PDE11A: variants seen among roughly 807,000 people sequenced by gnomAD.
The protein encoded by PDE11A is dual 3',5'-cyclic-AMP and -GMP phosphodiesterase 11A.
Under a neutral mutation model 100.5 loss-of-function variants are expected in PDE11A, and 100 were observed. That is an observed-to-expected ratio of 1.00 (90% CI 0.85 to 1.18). PDE11A has a LOEUF of 1.18. Among genes scored for constraint, PDE11A ranks in the 50% most tolerant of loss-of-function variants. PDE11A has a pLI of 0.00. For synonymous variants in PDE11A, 381 were observed against 420.8 expected, an observed-to-expected ratio of 0.91 and a Z score of 1.16; for missense variants, 1,141 against 1,152.6, an observed-to-expected ratio of 0.99 and a Z score of 0.15.
At chr2:177,809,593 A>G (rs199823673) in intron 9 of PDE11A, among the ~76,000 whole-genome samples, 2 of 86,722 alleles carry the variant, frequency 2.3e-5, no homozygotes, top group African/African-American at 9.5e-5. Context: ...CTTTCATCCT[A>G]CCTCCCTCTT....
At chr2:177,857,897 A>T (rs909112717) in intron 5 of PDE11A, among the ~76,000 whole-genome samples, 1 of 152,070 alleles carries the variant, frequency 6.6e-6, no homozygotes, top group Non-Finnish European at 1.5e-5. Context: ...GTAGCTATTC[A>T]TATCAGATAA....
intron 2 of PDE11A, among the ~76,000 whole-genome samples, chr2:177,931,880 A>T (rs2085210015): frequency 6.6e-6 from 1 of 151,456 alleles, no homozygotes; most frequent in African/African-American, 2.4e-5. Context: ...TGAAAGGATA[A>T]ACAAGATCAA....
intron 2 of PDE11A, among the ~76,000 whole-genome samples, chr2:177,932,291 T>C (rs1335448657): frequency 2.0e-5 from 3 of 152,142 alleles, no homozygotes; most frequent in Non-Finnish European, 4.4e-5. Flanking sequence ...GAGGGATTCT[T>C]CCCTAATTCA....
chr2:177,914,723 G>A (rs374315112), intron 2 of PDE11A, among the ~76,000 whole-genome samples: 2 of 152,086 alleles, frequency 1.3e-5, no homozygotes, highest in East Asian at 3.9e-4. Flanking sequence ...ATATCACAAT[G>A]AACATACGAA....
chr2:177,967,517 T>G (rs1254358333), intron 2 of PDE11A, among the ~76,000 whole-genome samples: 2 of 152,048 alleles, frequency 1.3e-5, no homozygotes, highest in African/African-American at 4.8e-5. Flanking sequence ...CACTTTTGAT[T>G]GTGTTTATAA....
At chr2:177,928,876 T>C (rs548253066) in intron 2 of PDE11A, among the ~76,000 whole-genome samples, 1 of 151,872 alleles carries the variant, frequency 6.6e-6, no homozygotes, top group East Asian at 1.9e-4. Flanking sequence ...AAAAAATAAA[T>C]ACATAAAAAT....
chr2:178,006,541 G>T (rs1247180288), intron 2 of PDE11A, among the ~76,000 whole-genome samples: 1 of 152,040 alleles, frequency 6.6e-6, no homozygotes, highest in Non-Finnish European at 1.5e-5. Flanking sequence ...TGGCAATATT[G>T]CTCCAATAGA....
chr2:177,884,768 G>A lies in PDE11A; in HGVS notation c.1303-8845C>T, dbSNP rs145268511. Among the ~76,000 whole-genome samples the A allele has an allele frequency of 2.0e-5, 3 of 152,306 alleles. No homozygotes were observed. In the East Asian group the frequency reaches 5.8e-4, roughly 29 times the overall value. Reference sequence around the variant, plus strand: ...TCTTTGCAAGCAAGAAATGAGTCAGGAGAAAAATGTCCTAGTGAGAGATCA... The same window carrying A: ...TCTTTGCAAGCAAGAAATGAGTCAGAAGAAAAATGTCCTAGTGAGAGATCA... On this transcript the variant is annotated intron_variant, in intron 4 of 19. Coordinates refer to ENST00000286063, the MANE Select transcript of PDE11A (RefSeq NM_016953.4).
chr2:177,959,624 G>A (rs2085607782), intron 2 of PDE11A, among the ~76,000 whole-genome samples: 1 of 152,126 alleles, frequency 6.6e-6, no homozygotes, highest in Non-Finnish European at 1.5e-5. Context: ...TTTGAGTAGT[G>A]AGAAAAAGAT....
chr2:177,934,411 A>C (rs1159194941), intron 2 of PDE11A, among the ~76,000 whole-genome samples: 2 of 152,208 alleles, frequency 1.3e-5, no homozygotes, highest in African/African-American at 4.8e-5. Flanking sequence ...TCATCAAAGA[A>C]ATGCAAATCA....
At chr2:177,660,127 C>CT (rs1446890290) in intron 19 of PDE11A, among the ~76,000 whole-genome samples, 4 of 92,034 alleles carry the variant, frequency 4.3e-5, no homozygotes, top group African/African-American at 1.5e-4. Context: ...TTCTTTCTTT[C>CT]TTTCATTCCT....
At chr2:177,641,272 A>C (rs2080137637) in intron 19 of PDE11A, among the ~76,000 whole-genome samples, 1 of 152,184 alleles carries the variant, frequency 6.6e-6, no homozygotes, top group Non-Finnish European at 1.5e-5. Context: ...TGAAATCCAG[A>C]AACAAAACAA....
At chr2:177,884,950 A>G (rs2084402822) in intron 4 of PDE11A, among the ~76,000 whole-genome samples, 1 of 152,188 alleles carries the variant, frequency 6.6e-6, no homozygotes. Flanking sequence ...GTTACTTACT[A>G]AATGGTGATG....
chr2:177,733,569 A>G (rs533911678), intron 10 of PDE11A, among the ~76,000 whole-genome samples: 1 of 152,334 alleles, frequency 6.6e-6, no homozygotes, highest in South Asian at 2.1e-4. Flanking sequence ...TGCTCAGAAA[A>G]TGGGAAGAAA....
intron 4 of PDE11A, among the ~76,000 whole-genome samples, chr2:177,879,904 T>A (rs557271785): frequency 6.6e-6 from 1 of 152,342 alleles, no homozygotes; most frequent in South Asian, 2.1e-4. Flanking sequence ...TACTCCAACA[T>A]AAATTACAAG....
At chr2:178,045,688 C>T (rs2086740557) in intron 1 of PDE11A, among the ~76,000 whole-genome samples, 1 of 152,208 alleles carries the variant, frequency 6.6e-6, no homozygotes, top group Non-Finnish European at 1.5e-5. Context: ...CCTTCACAGG[C>T]ATTAATGGAT....
At chr2:177,863,794 G>A (rs554716799) in intron 5 of PDE11A, among the ~76,000 whole-genome samples, 2 of 151,996 alleles carry the variant, frequency 1.3e-5, no homozygotes, top group South Asian at 4.2e-4. Flanking sequence ...TTCTAAAGGG[G>A]TTAAAAATAC....
intron 4 of PDE11A, among the ~76,000 whole-genome samples, chr2:177,878,131 A>G (rs539700349): frequency 1.3e-5 from 2 of 152,340 alleles, no homozygotes; most frequent in East Asian, 3.9e-4. Flanking sequence ...CAATGACAAT[A>G]GCTCAACTGC....
chr2:178,061,698 A>G (rs771216068), intron 1 of PDE11A, among the ~76,000 whole-genome samples: 2 of 152,222 alleles, frequency 1.3e-5, no homozygotes, highest in Non-Finnish European at 2.9e-5. Flanking sequence ...ATATCTTTCT[A>G]TATAATTTTC....
Sources: gnomAD v4.1 joint callset for allele counts (sites outside exome capture counted in the v4.1 genomes callset) on GRCh38, gnomAD v4.1.1 for gene constraint, MANE v1.5 for transcripts, NCBI Gene and HGNC (gene_info 2026-07-23, HGNC 2026-07-21) for gene names.